Variants in ENTPD4 observed in about 807,000 individuals in gnomAD.
ENTPD4 encodes the protein Golgi UDPase.
ENTPD4 carries 60 observed loss-of-function variants against 79.1 expected under a neutral mutation model. The ratio of observed to expected loss-of-function variants is 0.76; its 90% confidence interval spans 0.62 to 0.94. ENTPD4 has a LOEUF of 0.94. ENTPD4 is among the 40% of genes least tolerant of loss of function. ENTPD4 has a pLI of 0.00. For synonymous variants in ENTPD4, 276 were observed against 292.0 expected (o/e 0.95, Z 0.56); for missense variants, 772 against 775.1 (o/e 1.00, Z 0.05).
At position 23,443,971 on chromosome 8, in the gene ENTPD4, C is replaced by T; in HGVS notation, c.564-18G>A. The T allele has an allele frequency of 6.6e-7, 1 of 1,520,422 alleles. No homozygotes were observed. 94.2% of individuals were successfully genotyped at this position (1,520,422 alleles called of 1,614,324 possible). ...TCTGCTGGCTGTAAAGTAATAAAAA[C>T]ATTTACAAATCAAAAGATTACAGCT... On this transcript the variant is annotated intron_variant, in intron 5 of 12. Transcript: ENST00000358689.
Position 23,448,719 on chromosome 8 carries a change from A to G in ENTPD4, c.206+23T>C, listed in dbSNP as rs539615674. Reference sequence around the variant, plus strand: ...CAGAAGGTAAGGCTTCTGGTCTAGAAAGCAAATGTTTTTATCTCTTACCTT... The same window carrying G: ...CAGAAGGTAAGGCTTCTGGTCTAGAGAGCAAATGTTTTTATCTCTTACCTT... On this transcript the variant is annotated intron_variant, in intron 3 of 12. Transcript: ENST00000358689. The G allele has an allele frequency of 9.4e-6, 15 of 1,603,666 alleles. No homozygotes were observed. The East Asian group carries it at 3.1e-4, about 33-fold the overall frequency.
At chr8:23,434,052 G>A (rs73671455) in intron 12 of ENTPD4, 19,994 of 427,510 alleles carry the variant, frequency 0.047, 675 homozygotes, top group African/African-American at 0.1. Context: ...CCCTTTTGCC[G>A]GGGCTGGGGA....
At chr8:23,448,385 C>A (rs796147694) in intron 3 of ENTPD4, among the ~76,000 whole-genome samples, 4 of 152,250 alleles carry the variant, frequency 2.6e-5, no homozygotes, top group African/African-American at 9.6e-5. Flanking sequence ...TGTCTGGGGC[C>A]CCCCAAAATT....
intron 1 of ENTPD4, among the ~76,000 whole-genome samples, chr8:23,457,285 C>T (rs988234453): frequency 1.1e-4 from 16 of 151,670 alleles, no homozygotes; most frequent in African/African-American, 2.9e-4. Flanking sequence ...TCACCCGAGG[C>T]GCGCGACCGC....
At position 23,429,678 on chromosome 8, in the gene ENTPD4, A is replaced by G. The variant is rs1064960; in HGVS notation, c.*3248T>C. On this transcript the variant is annotated 3_prime_UTR_variant, in exon 13 of 13. Transcript: ENST00000358689. ...GAGTTTGTTAATCTAGAGTACACAG[A>G]TGTGGAAAACTGGTGGTGAAAAGAG... The G allele has an allele frequency of 0.34, 330,109 of 985,100 alleles. 58,170 individuals are homozygous for G. Among genetic ancestry groups the G allele is most frequent in the African/African-American group, 0.62 (35,273 of 57,272 alleles). The allele number at this position is 985,100 out of a possible 1,614,324, so 61.0% of individuals were successfully genotyped here.
At chr8:23,441,306 A>C (rs149948655) in intron 8 of ENTPD4, 1 of 426,366 alleles carries the variant, frequency 2.3e-6, no homozygotes, top group Non-Finnish European at 3.1e-6. Context: ...GAAAATATAA[A>C]CTGAAACTCA....
chr8:23,432,138 CAT>C lies in ENTPD4; in HGVS notation c.*786_*787del, dbSNP rs1800465562. The C allele has an allele frequency of 1.0e-6, 1 of 984,004 alleles. No homozygotes were observed. The highest frequency in any genetic ancestry group is 1.2e-6 in the Non-Finnish European group (1 of 828,910). 61.0% of individuals were successfully genotyped at this position (984,004 alleles called of 1,614,324 possible). A position where few individuals can be genotyped will look rare whatever the true frequency, so the allele number is the denominator to read the frequency against. ...AAAAAATTTAAATTTGCAAAGAAAA[CAT>C]ATACAGTAACAGACCTGAACAATAA... On this transcript the variant is annotated 3_prime_UTR_variant, in exon 13 of 13. Transcript: ENST00000358689.
chr8:23,456,682 CAG>C (rs1447861712), intron 1 of ENTPD4, among the ~76,000 whole-genome samples: 1 of 152,146 alleles, frequency 6.6e-6, no homozygotes, highest in Non-Finnish European at 1.5e-5. Context: ...CTATGTCAAA[CAG>C]AATTAACAAA....
In ENTPD4 at chr8:23,436,938, G is replaced by A; in HGVS notation, c.1370C>T (p.Ala457Val). Residue 457 changes from alanine (A) to valine (V), a missense_variant, in exon 10 of 13, where the codon GCA becomes GTA. Ala to Val is a moderately conservative substitution (Grantham distance 64). Transcript: ENST00000358689. Reference sequence around the variant, plus strand: ...GACGGCGTCTCTCAAGGGTACCTTTGCAGCTTTAGTAAATTTAGCAGCATT... The same window carrying A: ...GACGGCGTCTCTCAAGGGTACCTTTACAGCTTTAGTAAATTTAGCAGCATT... ...DYNAAKFTKA[A>V]KDYCATKWSI... The A allele has an allele frequency of 2.5e-6, 4 of 1,585,290 alleles. No individual in the cohort carries two copies. The highest frequency in any genetic ancestry group is 1.7e-4 in the Middle Eastern group (1 of 5,892).
chr8:23,447,928 A>G (rs376100938), intron 3 of ENTPD4, 43 bp from the exon 4 acceptor site: 2 of 1,523,724 alleles, frequency 1.3e-6, no homozygotes, highest in East Asian at 4.5e-5. Context: ...GACAAAGAAT[A>G]TCACCTGAAG....
intron 1 of ENTPD4, among the ~76,000 whole-genome samples, chr8:23,457,342 CTCACAGGGGTTGG>C (rs1800977469): frequency 6.7e-6 from 1 of 150,308 alleles, no homozygotes; most frequent in Admixed American, 6.6e-5. Context: ...GCCGCCAGGG[CTCACAGGGGTTGG>C]TCCCGGGGCG....
At chr8:23,434,736 G>A (rs762888965) in intron 11 of ENTPD4, 1 of 1,287,904 alleles carries the variant, frequency 7.8e-7, no homozygotes. Context: ...ATATATCCCT[G>A]AGATAGGTTT....
In ENTPD4 at chr8:23,451,607, C is replaced by A. The variant is rs529610772; in HGVS notation, c.-97-1610G>T. On this transcript the variant is annotated intron_variant, in intron 1 of 12. Transcript: ENST00000358689. The stretch of plus-strand genomic sequence containing the variant: ...CCTCCAAAGACTCCAATCTACAAAG[C>A]CCTACAGGATCTAACACCTGTTAAG... 3.9e-5 allele frequency among the ~76,000 whole-genome samples: 6 copies of A among 152,314 alleles called. No individual in the cohort carries two copies. The East Asian group carries it at 9.7e-4, about 25-fold the overall frequency.
rs749818800 is a variant in ENTPD4 at position 23,447,900 on chromosome 8, C to T, written c.207-15G>A. On this transcript the variant is annotated splice_polypyrimidine_tract_variant and intron_variant, in intron 3 of 12. Transcript: ENST00000358689. ...GTGCCAGGTACCTTGTATAGAAACACACGTATGCTTTGATTTAGACAAAGA... is the reference window on the plus strand; with the variant it reads ...GTGCCAGGTACCTTGTATAGAAACATACGTATGCTTTGATTTAGACAAAGA... The T allele has an allele frequency of 3.1e-6, 5 of 1,605,610 alleles. No individual in the cohort carries two copies. The highest frequency in any genetic ancestry group is 4.3e-6 in the Non-Finnish European group (5 of 1,172,262).
intron 10 of ENTPD4, among the ~76,000 whole-genome samples, chr8:23,435,937 T>C (rs980512203): frequency 2.0e-5 from 3 of 152,200 alleles, no homozygotes; most frequent in Non-Finnish European, 2.9e-5. Context: ...TTTGTTATAA[T>C]AACTTTTATT....
chr8:23,436,358 G>A (rs1411914720), intron 10 of ENTPD4, among the ~76,000 whole-genome samples: 2 of 152,212 alleles, frequency 1.3e-5, no homozygotes, highest in Non-Finnish European at 2.9e-5. Context: ...GATGGTTGGC[G>A]ATGCCATTAA....
chr8:23,454,709 G>A (rs970987535), intron 1 of ENTPD4, among the ~76,000 whole-genome samples: 1 of 152,036 alleles, frequency 6.6e-6, no homozygotes, highest in Non-Finnish European at 1.5e-5. Flanking sequence ...TTTGTCTCAG[G>A]AATTTTTTTT....
intron 12 of ENTPD4, 84 bp downstream of exon 12, chr8:23,434,233 C>A: frequency 1.3e-6 from 2 of 1,543,104 alleles, no homozygotes; most frequent in Non-Finnish European, 1.8e-6. Context: ...ATGCCCCAAA[C>A]AGCCACAGAC....
intron 6 of ENTPD4, among the ~76,000 whole-genome samples, chr8:23,442,998 G>C (rs1800700714): frequency 1.3e-5 from 2 of 152,132 alleles, no homozygotes; most frequent in Admixed American, 6.5e-5. Context: ...TCTGTCCACA[G>C]TGCCCTCTTT....
Sources: gnomAD v4.1 joint callset for allele counts (sites outside exome capture counted in the v4.1 genomes callset) on GRCh38, gnomAD v4.1.1 for gene constraint, MANE v1.5 for transcripts, NCBI Gene and HGNC (gene_info 2026-07-23, HGNC 2026-07-21) for gene names.